KLF15: variants seen among roughly 807,000 people sequenced by gnomAD.
KLF15 encodes KLF transcription factor 15, also known as Krueppel-like factor 15.
KLF15 carries 4 observed loss-of-function variants against 24.6 expected under a neutral mutation model. The observed-to-expected ratio is 0.16, with a 90% CI of 0.08 to 0.37. KLF15 has a LOEUF of 0.37. Among genes scored for constraint, KLF15 ranks in the 10% least tolerant of loss-of-function variants. KLF15 has a pLI of 1.00. For missense variants in KLF15, 496 were observed against 560.6 expected, an observed-to-expected ratio of 0.88 and a Z score of 1.16; for synonymous variants, 246 against 236.3, an observed-to-expected ratio of 1.04 and a Z score of -0.37.
At chr3:126,295,264 C>A in the KLF15 span, among the ~76,000 whole-genome samples, 34 of 152,320 alleles carry the variant, frequency 2.2e-4, no homozygotes, top group African/African-American at 7.9e-4. Flanking sequence ...GGCTCTTCTA[C>A]AGCCTACTGG....
downstream of KLF15, among the ~76,000 whole-genome samples, chr3:126,340,081 A>C (rs1348200649): frequency 6.6e-6 from 1 of 152,200 alleles, no homozygotes; most frequent in African/African-American, 2.4e-5. Flanking sequence ...AGACTTAGCC[A>C]TGCTGCCAGC....
rs976160264 is a variant in KLF15, at chr3:126,343,243, C to G, written c.*484G>C. On this transcript the variant is annotated 3_prime_UTR_variant, in exon 3 of 3. Transcript: ENST00000296233. ...TGAGCAGGCATCTTAGACAAAGCCA[C>G]CCTCACACCACAGTGCAGCCCTGGA... The G allele has an allele frequency of 6.7e-6, 1 of 148,282 alleles. No individual in the cohort carries two copies. Among genetic ancestry groups the G allele is most frequent in the Non-Finnish European group, 1.5e-5 (1 of 67,612 alleles). The allele number at this position is 148,282 out of a possible 1,614,324, so 9.2% of individuals were successfully genotyped here.
At chr3:126,339,826 G>T (rs2082466992), downstream of KLF15, among the ~76,000 whole-genome samples, 2 of 152,230 alleles carry the variant, frequency 1.3e-5, no homozygotes, top group African/African-American at 4.8e-5. Context: ...TTCACGAACA[G>T]ACAGTGATGG....
the KLF15 span, among the ~76,000 whole-genome samples, chr3:126,318,992 G>A: frequency 1.3e-5 from 2 of 152,200 alleles, no homozygotes; most frequent in Non-Finnish European, 2.9e-5. Context: ...GGAAACCACT[G>A]ATCTGTTTCC....
chr3:126,353,856 C>G (rs1055835705), intron 1 of KLF15, among the ~76,000 whole-genome samples: 1 of 152,214 alleles, frequency 6.6e-6, no homozygotes, highest in African/African-American at 2.4e-5. Context: ...AAGCAGACCA[C>G]TGGGGTCCCA....
chr3:126,293,513 A>C, the KLF15 span, among the ~76,000 whole-genome samples: 7 of 152,122 alleles, frequency 4.6e-5, no homozygotes, highest in Non-Finnish European at 1.0e-4. Flanking sequence ...TGGCCTGTGT[A>C]AGCACACACC....
chr3:126,329,283 T>G, the KLF15 span, among the ~76,000 whole-genome samples: 1 of 152,228 alleles, frequency 6.6e-6, no homozygotes, highest in Non-Finnish European at 1.5e-5. Flanking sequence ...TGTTGCCTCA[T>G]GTCTTCTTTG....
chr3:126,314,193 G>C, the KLF15 span, among the ~76,000 whole-genome samples: 1 of 152,250 alleles, frequency 6.6e-6, no homozygotes, highest in Non-Finnish European at 1.5e-5. Flanking sequence ...TCCTCATGGG[G>C]GCTGGGGTGC....
At chr3:126,341,583 G>C (rs994613131), downstream of KLF15, among the ~76,000 whole-genome samples, 2 of 152,094 alleles carry the variant, frequency 1.3e-5, no homozygotes, top group Non-Finnish European at 2.9e-5. Context: ...CCTCCTCCTC[G>C]GGACCATGGC....
chr3:126,307,891 C>G, the KLF15 span, among the ~76,000 whole-genome samples: 3 of 152,186 alleles, frequency 2.0e-5, no homozygotes, highest in Non-Finnish European at 4.4e-5. Context: ...GAACTCCAGA[C>G]CCTGGTGAGA....
Position 126,343,900 on chromosome 3 carries a change from G to T in KLF15, c.1083-5C>A. On this transcript the variant is annotated splice_polypyrimidine_tract_variant and splice_region_variant and intron_variant, in intron 2 of 2. Coordinates refer to ENST00000296233, the MANE Select transcript of KLF15 (RefSeq NM_014079.4). Reference sequence around the variant, plus strand: ...AGCTCGTCAGAGCGCGAGAACCTGCGGGACATGGCGCGGTCAGCGAGGCCT... The same window carrying T: ...AGCTCGTCAGAGCGCGAGAACCTGCTGGACATGGCGCGGTCAGCGAGGCCT... 1 of 1,576,678 alleles carries T rather than the reference G, an allele frequency of 6.3e-7. No homozygotes were observed. The highest frequency in any genetic ancestry group is 1.2e-5 in the South Asian group (1 of 86,904).
the KLF15 span, among the ~76,000 whole-genome samples, chr3:126,293,635 C>T: frequency 1.3e-5 from 2 of 152,194 alleles, no homozygotes; most frequent in African/African-American, 4.8e-5. Flanking sequence ...CATGCCTGTC[C>T]AGAAGACCCT....
the KLF15 span, among the ~76,000 whole-genome samples, chr3:126,316,027 T>G: frequency 3.3e-5 from 5 of 152,238 alleles, no homozygotes; most frequent in East Asian, 5.8e-4. Context: ...CACTGCTGTC[T>G]GTCTCTGTGC....
At chr3:126,296,021 A>G in the KLF15 span, among the ~76,000 whole-genome samples, 15 of 152,256 alleles carry the variant, frequency 9.9e-5, no homozygotes, top group East Asian at 1.9e-3. Context: ...GCACAGTCCC[A>G]TTGCTGTTGT....
chr3:126,331,969 T>C, the KLF15 span, among the ~76,000 whole-genome samples: 2 of 152,158 alleles, frequency 1.3e-5, no homozygotes, highest in Admixed American at 6.5e-5. Flanking sequence ...GAGATCAAAC[T>C]GCAAGGCGCC....
Position 126,343,136 on chromosome 3 carries a change from C to CCAGCGG in KLF15, c.*585_*590dup, listed in dbSNP as rs2082492459. ...TTTCACCTCTCTCCCACATGAGGGC[C>CCAGCGG]CAGCGGCCCGGTCCTGCCCCCCCCC... On this transcript the variant is annotated 3_prime_UTR_variant, in exon 3 of 3. Transcript: ENST00000296233. The CCAGCGG allele has an allele frequency of 9.7e-6, 1 of 102,918 alleles. No individual in the cohort carries two copies. Among genetic ancestry groups the CCAGCGG allele is most frequent in the African/African-American group, 3.6e-5 (1 of 27,806 alleles). 6.4% of individuals were successfully genotyped at this position (102,918 alleles called of 1,614,324 possible).
chr3:126,307,087 C>T, the KLF15 span, among the ~76,000 whole-genome samples: 1 of 152,178 alleles, frequency 6.6e-6, no homozygotes, highest in Non-Finnish European at 1.5e-5. Flanking sequence ...GTGATGTCAC[C>T]TCCTTTACAT....
At chr3:126,337,644 G>A (rs1207265358), downstream of KLF15, among the ~76,000 whole-genome samples, 1 of 152,088 alleles carries the variant, frequency 6.6e-6, no homozygotes, top group Non-Finnish European at 1.5e-5. Context: ...AGTTTCCTGG[G>A]GTGAAGGGTG....
At position 126,356,147 on chromosome 3, in the gene KLF15, T is replaced by C. The variant is rs1046809925; in HGVS notation, c.-26+1090A>G. The stretch of plus-strand genomic sequence containing the variant: ...CCAAGGGCTTGCCATTGGGTCAGCG[T>C]GCAAATCACGGGGGTGGCGGCGGGG... On this transcript the variant is annotated intron_variant, in intron 1 of 2. Transcript: ENST00000296233. The surrounding 1 kb of genome is among the most constrained non-coding windows in gnomAD (Gnocchi z 4.4). 4.6e-5 allele frequency among the ~76,000 whole-genome samples: 7 copies of C among 152,094 alleles called. No individual in the cohort carries two copies. Among genetic ancestry groups the C allele is most frequent in the African/African-American group, 1.7e-4 (7 of 41,426 alleles).
Sources: allele counts gnomAD v4.1 joint callset (sites outside exome capture counted in the v4.1 genomes callset), GRCh38; gene constraint gnomAD v4.1.1; non-coding constraint Gnocchi (gnomAD v3.1); transcripts MANE v1.5; gene names NCBI Gene and HGNC (gene_info 2026-07-23, HGNC 2026-07-21).